Variants in EPPIN observed in about 807,000 individuals in gnomAD.
EPPIN encodes the protein WAP four-disulfide core domain protein 7.
A neutral mutation model predicts 18.8 loss-of-function variants in EPPIN; 14 were observed. That is an observed-to-expected ratio of 0.75 (90% CI 0.49 to 1.17). EPPIN has a LOEUF of 1.17. Among genes scored for constraint, EPPIN ranks in the 50% most tolerant of loss-of-function variants. EPPIN has a pLI of 0.00. For synonymous variants in EPPIN, 57 were observed against 54.8 expected (o/e 1.04, Z -0.18); for missense variants, 143 against 154.2 (o/e 0.93, Z 0.39).
intron 1 of EPPIN, among the ~76,000 whole-genome samples, chr20:45,546,541 T>A (rs1979843295): frequency 6.6e-6 from 1 of 152,214 alleles, no homozygotes; most frequent in African/African-American, 2.4e-5. Context: ...TCTCATTTAA[T>A]CTTTATAATT....
intron 2 of EPPIN, 148 bp downstream of exon 2, chr20:45,545,491 A>G (rs1979784710): frequency 5.9e-6 from 8 of 1,363,090 alleles, no homozygotes; most frequent in Admixed American, 3.8e-5. Flanking sequence ...TATTTGGCAC[A>G]GTAATGAATC....
At position 45,547,278 on chromosome 20, in the gene EPPIN, C is replaced by A; in HGVS notation, c.80G>T (p.Trp27Leu). The change falls in exon 1 of 4, where the codon TGG (tryptophan) becomes TTG (leucine). Residue 27 changes from tryptophan (W) to leucine (L), a missense_variant. Physicochemically the swap from Trp to Leu is moderately conservative, Grantham distance 61. Transcript: ENST00000354280. ...ANVQGPGLTD[W>L]LFPRRCPKIR... ...AGGCCAATACTTACTGGGAAATAAC[C>A]AATCAGTCAGACCAGGTCCCTGGAC... 2 of 1,613,856 alleles carry A rather than the reference C, an allele frequency of 1.2e-6. No homozygotes were observed. Among genetic ancestry groups the A allele is most frequent in the Non-Finnish European group, 8.5e-7 (1 of 1,179,848 alleles).
rs770024030 is a variant in EPPIN at position 45,547,314 on chromosome 20, A to T, written c.44T>A (p.Leu15His). 6.2e-7 allele frequency: 1 copy of T among 1,613,996 alleles called. No individual in the cohort carries two copies. The highest frequency in any genetic ancestry group is 1.1e-5 in the South Asian group (1 of 91,074). Reference sequence around the variant, plus strand: ...ACCAGGTCCCTGGACATTCGCTAAGAGGACGAATAGCACCAGGAGGCTCAA... The same window carrying T: ...ACCAGGTCCCTGGACATTCGCTAAGTGGACGAATAGCACCAGGAGGCTCAA... ...GLLSLLVLFVLLANVQGPGLT... is the reference protein window; with the variant it reads ...GLLSLLVLFVHLANVQGPGLT... Residue 15 changes from leucine (L) to histidine (H), a missense_variant, in exon 1 of 4, where the codon CTC becomes CAC. Transcript: ENST00000354280.
In EPPIN at chr20:45,541,933, G is replaced by C; in HGVS notation, c.*211C>G. ...AAGTTGGAGATAAAGGGGACATAAA[G>C]ATGAAATCAAAACGGATGGATATTG... On this transcript the variant is annotated 3_prime_UTR_variant, in exon 4 of 4. Transcript: ENST00000354280. The C allele has an allele frequency of 1.8e-6, 1 of 550,990 alleles. No homozygotes were observed. Among genetic ancestry groups the C allele is most frequent in the Non-Finnish European group, 3.2e-6 (1 of 316,172 alleles). 34.1% of individuals were successfully genotyped at this position (550,990 alleles called of 1,614,324 possible). A position where few individuals can be genotyped will look rare whatever the true frequency, so the allele number is the denominator to read the frequency against.
intron 3 of EPPIN, 133 bp downstream of exon 3, chr20:45,542,567 C>A: frequency 7.3e-7 from 1 of 1,361,686 alleles, no homozygotes. Flanking sequence ...TGCATTCTTA[C>A]CTCCTGATCA....
At chr20:45,547,146 T>C in intron 1 of EPPIN, 121 bp downstream of exon 1, 1 of 1,415,006 alleles carries the variant, frequency 7.1e-7, no homozygotes, top group Non-Finnish European at 9.6e-7. Flanking sequence ...CTCTCTCCTC[T>C]CCCAACCCGG....
chr20:45,546,279 T>C (rs1235731880), intron 1 of EPPIN: 1 of 160,044 alleles, frequency 6.2e-6, no homozygotes, highest in Non-Finnish European at 1.4e-5. Context: ...GGTAGTATTA[T>C]ACAGCAATTA....
chr20:45,545,667 G>T lies in EPPIN; in HGVS notation c.195C>A (p.Cys65Ter). 2 of 1,613,904 alleles carry T rather than the reference G, an allele frequency of 1.2e-6. No homozygotes were observed. The highest frequency in any genetic ancestry group is 1.1e-5 in the South Asian group (1 of 91,080). Residue 65 changes from cysteine to a stop codon, truncating the protein, a stop_gained, in exon 2 of 4, where the codon TGC becomes TGA. Coordinates refer to ENST00000354280, the MANE Select transcript of EPPIN (RefSeq NM_020398.4). LOFTEE classifies it high-confidence loss of function. ...QDNKKCCVFS[C>*]GKKCLDLKQD... The stretch of plus-strand genomic sequence containing the variant: ...GTTTGAGATCTAAACATTTTTTTCC[G>T]CAGCTGAAGACACAACACTTCTTGT...
chr20:45,542,320 G>A (rs773121358), intron 3 of EPPIN, 166 bp from the exon 4 acceptor site: 9 of 877,812 alleles, frequency 1.0e-5, no homozygotes, highest in South Asian at 5.4e-5. Flanking sequence ...GGAGTGAATC[G>A]CTGCCAAAGA....
intron 1 of EPPIN, chr20:45,545,996 A>C (rs1260992759): frequency 1.2e-5 from 7 of 570,558 alleles, no homozygotes; most frequent in African/African-American, 1.9e-5. Context: ...GCTCCATCCC[A>C]TCTAAGGCAG....
In EPPIN at chr20:45,545,825, A is replaced by G. The variant is rs1442470589; in HGVS notation, c.92-55T>C. 3.8e-6 allele frequency: 6 copies of G among 1,593,588 alleles called. No homozygotes were observed. The South Asian group carries it at 6.8e-5, about 18-fold the overall frequency. On this transcript the variant is annotated intron_variant, in intron 1 of 3. Coordinates refer to ENST00000354280, the MANE Select transcript of EPPIN (RefSeq NM_020398.4). ...GCCTTAGAGAGCATAGTGTCTCCCC[A>G]CTTTGCCAGACACAAGGCAATTCTA...
chr20:45,547,208 G>T, intron 1 of EPPIN, 59 bp downstream of exon 1: 1 of 1,610,862 alleles, frequency 6.2e-7, no homozygotes. Flanking sequence ...GTTCTTCCCT[G>T]TTCCTTCCTC....
intron 2 of EPPIN, 114 bp from the exon 3 acceptor site, chr20:45,542,981 T>C (rs1012700598): frequency 4.2e-6 from 6 of 1,441,706 alleles, no homozygotes; most frequent in Non-Finnish European, 5.5e-6. Flanking sequence ...TCCTTTTCTC[T>C]TATCACATGG....
chr20:45,546,069 GA>G, intron 1 of EPPIN: 2 of 469,942 alleles, frequency 4.3e-6, no homozygotes. Flanking sequence ...CTGAACTGGG[GA>G]TTGTAGGATG....
At chr20:45,544,362 A>G (rs532896340) in intron 2 of EPPIN, 18 of 152,308 alleles carry the variant, frequency 1.2e-4, no homozygotes, top group African/African-American at 4.1e-4. Flanking sequence ...ATGCAGATCA[A>G]TTGGATCCTC....
intron 2 of EPPIN, 146 bp downstream of exon 2, chr20:45,545,493 T>C (rs2082236330): frequency 7.2e-7 from 1 of 1,381,914 alleles, no homozygotes; most frequent in African/African-American, 1.4e-5. Context: ...TTTGGCACAG[T>C]AATGAATCTA....
At chr20:45,542,432 C>T (rs778888888) in intron 3 of EPPIN, 55 of 636,404 alleles carry the variant, frequency 8.6e-5, no homozygotes, top group Non-Finnish European at 1.4e-4. Context: ...GATTTCACCA[C>T]TTCTACACCC....
Position 45,547,327 on chromosome 20 carries a change from C to A in EPPIN, c.31G>T (p.Val11Leu). Reference sequence around the variant, plus strand: ...ACATTCGCTAAGAGGACGAATAGCACCAGGAGGCTCAAAAGTCCAGAAGAT... The same window carrying A: ...ACATTCGCTAAGAGGACGAATAGCAACAGGAGGCTCAAAAGTCCAGAAGAT... MGSSGLLSLL[V>L]LFVLLANVQG... is the part of the protein sequence containing the mutation. The change falls in exon 1 of 4, where the codon GTG (valine) becomes TTG (leucine). Residue 11 changes from valine to leucine, a missense_variant. Physicochemically the swap from Val to Leu is conservative, Grantham distance 32 (BLOSUM62 1). Transcript: ENST00000354280. 6.2e-7 allele frequency: 1 copy of A among 1,613,898 alleles called. No homozygotes were observed. Among genetic ancestry groups the A allele is most frequent in the Admixed American group, 1.7e-5 (1 of 59,992 alleles).
Position 45,542,103 on chromosome 20 carries a change from G to A in EPPIN, c.*41C>T. 1 of 1,612,966 alleles carries A rather than the reference G, an allele frequency of 6.2e-7. No homozygotes were observed. On this transcript the variant is annotated 3_prime_UTR_variant, in exon 4 of 4. Coordinates refer to ENST00000354280, the MANE Select transcript of EPPIN (RefSeq NM_020398.4). ...GGTACAGGAACAGTACTCAGAGCAT[G>A]AGCCACATTCTGGCAGTTCTTCCAG...
Sources: gnomAD v4.1 joint callset for allele counts (sites outside exome capture counted in the v4.1 genomes callset) on GRCh38, gnomAD v4.1.1 for gene constraint, MANE v1.5 for transcripts, NCBI Gene and HGNC (gene_info 2026-07-23, HGNC 2026-07-21) for gene names.